Variants in GNAL observed in about 807,000 individuals in gnomAD.
GNAL encodes G protein subunit alpha L.
In GNAL, 18 loss-of-function variants were observed where a neutral mutation model predicts 55.1. That is an observed-to-expected ratio of 0.33 (90% confidence interval 0.23 to 0.48). GNAL has a LOEUF of 0.48. Ranked by LOEUF, GNAL falls within the 20% of genes least tolerant of loss-of-function variation. GNAL has a pLI of 0.99. For synonymous variants in GNAL, 253 were observed against 237.0 expected (o/e 1.07, Z -0.62); for missense variants, 412 against 614.1 (o/e 0.67, Z 3.48).
At chr18:11,879,788 A>G (rs1160508535) in intron 11 of GNAL, among the ~76,000 whole-genome samples, 1 of 152,212 alleles carries the variant, frequency 6.6e-6, no homozygotes, top group Non-Finnish European at 1.5e-5. Flanking sequence ...CGTAATGTCT[A>G]ACCCTGTTTC....
chr18:11,798,437 T>A (rs928786510), intron 4 of GNAL, among the ~76,000 whole-genome samples: 4 of 152,162 alleles, frequency 2.6e-5, no homozygotes, highest in Admixed American at 6.5e-5. Context: ...AATTCTGCAG[T>A]GACAAGACAC....
Position 11,723,452 on chromosome 18 carries a change from ACT to A in GNAL, c.377-29398_377-29397del, listed in dbSNP as rs200779546. Among the ~76,000 whole-genome samples the A allele has an allele frequency of 6.4e-3, 976 of 152,296 alleles. 10 individuals are homozygous for A. The highest frequency in any genetic ancestry group is 0.022 in the African/African-American group (932 of 41,554). ...CTTGGTTTGCTAATCCCTGGTCTAG[ACT>A]CTATAGACAACCCCAAGCATATGAA... On this transcript the variant is annotated intron_variant, in intron 1 of 11. Coordinates refer to ENST00000334049, the MANE Select transcript of GNAL (RefSeq NM_182978.4).
At chr18:11,724,622 A>G (rs1398623160) in intron 1 of GNAL, among the ~76,000 whole-genome samples, 1 of 152,154 alleles carries the variant, frequency 6.6e-6, no homozygotes, top group African/African-American at 2.4e-5. Context: ...AGGAGTGGGG[A>G]CCACAGGAAT....
chr18:11,726,760 G>A (rs77945737), intron 1 of GNAL, among the ~76,000 whole-genome samples: 65 of 152,292 alleles, frequency 4.3e-4, no homozygotes, highest in Non-Finnish European at 7.3e-4. Context: ...CAAAGCATGA[G>A]ATTCACCATC....
intron 4 of GNAL, among the ~76,000 whole-genome samples, chr18:11,807,346 G>A (rs1450372560): frequency 6.6e-6 from 1 of 152,202 alleles, no homozygotes; most frequent in East Asian, 1.9e-4. Flanking sequence ...TGAGAAGGGT[G>A]GGAACAGACC....
chr18:11,754,131 A>G (rs932694573), intron 4 of GNAL, among the ~76,000 whole-genome samples, 186 bp downstream of exon 4: 3 of 152,130 alleles, frequency 2.0e-5, no homozygotes, highest in African/African-American at 7.2e-5. Flanking sequence ...AATATTAACT[A>G]CGGCCAGGGG....
chr18:11,719,381 T>C (rs1417376230), intron 1 of GNAL, among the ~76,000 whole-genome samples: 1 of 151,258 alleles, frequency 6.6e-6, no homozygotes, highest in African/African-American at 2.4e-5. Context: ...TACCAGAGAG[T>C]CATGTTATTA....
At chr18:11,704,196 C>T (rs1390256989) in intron 1 of GNAL, among the ~76,000 whole-genome samples, 2 of 152,326 alleles carry the variant, frequency 1.3e-5, no homozygotes, top group East Asian at 3.9e-4. Flanking sequence ...TCCCTGATCA[C>T]ACAGTGGGTC....
intron 5 of GNAL, among the ~76,000 whole-genome samples, chr18:11,861,279 A>G (rs1567897941): frequency 6.6e-6 from 1 of 151,702 alleles, no homozygotes; most frequent in African/African-American, 2.4e-5. Flanking sequence ...TCTTCCTTCT[A>G]GGGTCCCTGC....
intron 4 of GNAL, among the ~76,000 whole-genome samples, chr18:11,778,647 CA>C (rs1438657164): frequency 1.3e-5 from 2 of 152,030 alleles, no homozygotes; most frequent in Non-Finnish European, 2.9e-5. Flanking sequence ...CTCTGAGAAC[CA>C]ACAGAATTAT....
chr18:11,846,763 T>G (rs973505168), intron 5 of GNAL, among the ~76,000 whole-genome samples: 4 of 151,936 alleles, frequency 2.6e-5, no homozygotes, highest in Non-Finnish European at 5.9e-5. Flanking sequence ...TCTTGTTCTG[T>G]CACCCCGAAT....
rs962584050 is a variant in GNAL at position 11,879,019 on chromosome 18, T to A, written c.1231-1970T>A. Among the ~76,000 whole-genome samples the A allele has an allele frequency of 3.8e-4, 58 of 151,700 alleles. 1 individual carries two copies. The highest frequency in any genetic ancestry group is 2.6e-4 in the Admixed American group (4 of 15,206). On this transcript the variant is annotated intron_variant, in intron 11 of 11. Coordinates refer to ENST00000334049, the MANE Select transcript of GNAL (RefSeq NM_182978.4). Reference sequence around the variant, plus strand: ...ACACCTAATGTAAATGACGAGTTAATGGGTGCAGCACACCAACATGGCACA... The same window carrying A: ...ACACCTAATGTAAATGACGAGTTAAAGGGTGCAGCACACCAACATGGCACA...
At chr18:11,774,922 G>A (rs760553346) in intron 4 of GNAL, among the ~76,000 whole-genome samples, 4 of 152,186 alleles carry the variant, frequency 2.6e-5, no homozygotes, top group Non-Finnish European at 4.4e-5. Context: ...AGTGCCTGTA[G>A]CTCACTACAT....
chr18:11,761,963 C>CTTAGGCTCAGGGCTGCCGTATTGA (rs1303935952), intron 4 of GNAL, among the ~76,000 whole-genome samples: 9 of 152,182 alleles, frequency 5.9e-5, no homozygotes, highest in Non-Finnish European at 1.3e-4. Flanking sequence ...ACGCCTGTGT[C>CTTAGGCTCAGGGCTGCCGTATTGA]TTAGGCTCAG....
At chr18:11,735,735 A>G (rs1366667918) in intron 1 of GNAL, among the ~76,000 whole-genome samples, 17 of 150,972 alleles carry the variant, frequency 1.1e-4, no homozygotes, top group Admixed American at 4.6e-4. Context: ...AGCCTGAGCC[A>G]CAGAGTGAGA....
At chr18:11,696,271 G>C (rs2031408295) in intron 1 of GNAL, among the ~76,000 whole-genome samples, 3 of 152,056 alleles carry the variant, frequency 2.0e-5, no homozygotes, top group Admixed American at 2.0e-4. Flanking sequence ...GGGAGGCCGA[G>C]GCGGGTGGAT....
intron 4 of GNAL, among the ~76,000 whole-genome samples, chr18:11,780,599 A>T (rs778966890): frequency 6.6e-6 from 1 of 152,130 alleles, no homozygotes; most frequent in Non-Finnish European, 1.5e-5. Context: ...GGTACAATGG[A>T]CTGAACCCAA....
intron 1 of GNAL, among the ~76,000 whole-genome samples, chr18:11,733,227 C>CTT (rs955740768): frequency 6.1e-4 from 93 of 152,330 alleles, no homozygotes; most frequent in African/African-American, 2.1e-3. Context: ...CGACTGGGGA[C>CTT]TTGGAGGTGT....
intron 5 of GNAL, among the ~76,000 whole-genome samples, chr18:11,840,194 G>A (rs894328584): frequency 2.0e-5 from 3 of 152,172 alleles, no homozygotes; most frequent in African/African-American, 7.2e-5. Flanking sequence ...TTAAGTGCAT[G>A]GGATGCTCGT....
Sources: allele counts gnomAD v4.1 joint callset (sites outside exome capture counted in the v4.1 genomes callset), GRCh38; gene constraint gnomAD v4.1.1; transcripts MANE v1.5; gene names NCBI Gene and HGNC (gene_info 2026-07-23, HGNC 2026-07-21).